The following NFASC variants were observed in gnomAD, a reference collection of about 807,000 sequenced individuals.
The protein encoded by NFASC is neurofascin homolog.
In NFASC, 43 loss-of-function variants were observed where a neutral mutation model predicts 147.5. The ratio of observed to expected loss-of-function variants is 0.29; its 90% confidence interval spans 0.23 to 0.38. The LOEUF is 0.38. Ranked by LOEUF, NFASC falls within the 10% of genes least tolerant of loss-of-function variation. The pLI, the probability that NFASC is intolerant of heterozygous loss-of-function variation, is 1.00. For synonymous variants in NFASC, 622 were observed against 665.5 expected (o/e 0.93, Z 1.01); for missense variants, 1,320 against 1,689.0 (o/e 0.78, Z 3.83).
In NFASC at chr1:204,975,288, C is replaced by T. The variant is rs377722677; in HGVS notation, c.1576C>T (p.Arg526Trp). The change falls in exon 15 of 30, where the codon CGG becomes TGG. Residue 526 changes from arginine to tryptophan, a missense_variant. Physicochemically the swap from Arg to Trp is moderately radical, Grantham distance 101. Coordinates refer to ENST00000339876, the MANE Select transcript of NFASC (RefSeq NM_001005388.3). The surrounding 1 kb of genome is among the most constrained non-coding windows in gnomAD (Gnocchi z 4.0). ...LEVKDPTRIYRMPEDQVARRG... is the reference protein window; with the variant it reads ...LEVKDPTRIYWMPEDQVARRG... ...CTCCACAGACCCCACCAGGATCTAC[C>T]GGATGCCCGAGGACCAGGTGGCCAG... 21 of 1,612,906 alleles carry T rather than the reference C, an allele frequency of 1.3e-5. No individual in the cohort carries two copies. Among genetic ancestry groups the T allele is most frequent in the Admixed American group, 3.3e-5 (2 of 59,968 alleles).
At chr1:204,850,260 A>G (rs887663314) in intron 1 of NFASC, among the ~76,000 whole-genome samples, 1 of 152,208 alleles carries the variant, frequency 6.6e-6, no homozygotes, top group East Asian at 1.9e-4. Flanking sequence ...AATAGCTTGT[A>G]ATGGCAGCTG....
In NFASC at chr1:204,975,443, C is replaced by T. The variant is rs1182760326; in HGVS notation, c.1706+25C>T. On this transcript the variant is annotated intron_variant, in intron 15 of 29. Transcript: ENST00000339876. The surrounding 1 kb of genome is among the most constrained non-coding windows in gnomAD (Gnocchi z 4.0). ...GGTTTCTCTTCCCCCTTCCCCCTTCCTAGTGCTAGTTTGAGGCGCATTTTC... is the reference window on the plus strand; with the variant it reads ...GGTTTCTCTTCCCCCTTCCCCCTTCTTAGTGCTAGTTTGAGGCGCATTTTC... The T allele has an allele frequency of 5.6e-6, 9 of 1,598,374 alleles. No individual in the cohort carries two copies. Among genetic ancestry groups the T allele is most frequent in the Non-Finnish European group, 7.7e-6 (9 of 1,167,520 alleles).
At chr1:204,953,575 C>T (rs112645628) in intron 5 of NFASC, among the ~76,000 whole-genome samples, 2,719 of 152,300 alleles carry the variant, frequency 0.018, 77 homozygotes, top group African/African-American at 0.062. Context: ...GGATTACAGG[C>T]GTGAGCCACC....
chr1:204,954,057 G>T lies in NFASC; in HGVS notation c.216-131G>T. The T allele has an allele frequency of 2.7e-6, 2 of 741,594 alleles. No individual in the cohort carries two copies. Among genetic ancestry groups the T allele is most frequent in the Non-Finnish European group, 4.6e-6 (2 of 436,012 alleles). The allele number at this position is 741,594 out of a possible 1,614,324, so 45.9% of individuals were successfully genotyped here. ...TGCTCAGCCAGGCTGAGACCTGTTG[G>T]TATGGGGTGCCACGATGGGACTGAG... is the stretch of plus-strand genomic sequence containing the variant. On this transcript the variant is annotated intron_variant, in intron 5 of 29. Coordinates refer to ENST00000339876, the MANE Select transcript of NFASC (RefSeq NM_001005388.3). The surrounding 1 kb of genome is among the most constrained non-coding windows in gnomAD (Gnocchi z 5.7).
intron 3 of NFASC, among the ~76,000 whole-genome samples, 173 bp from the exon 4 acceptor site, chr1:204,950,384 G>A (rs190394786): frequency 6.6e-6 from 1 of 152,318 alleles, no homozygotes; most frequent in East Asian, 1.9e-4. Context: ...AACCCTGCTT[G>A]GTTCTTGCAC....
intron 8 of NFASC, among the ~76,000 whole-genome samples, chr1:204,967,007 T>G (rs1161913160): frequency 1.3e-5 from 2 of 152,056 alleles, no homozygotes; most frequent in East Asian, 3.9e-4. Context: ...CTGGATAAAG[T>G]TCCCCCGCAC....
chr1:204,914,895 G>T (rs988498819), intron 1 of NFASC, among the ~76,000 whole-genome samples: 4 of 152,192 alleles, frequency 2.6e-5, no homozygotes, highest in Non-Finnish European at 1.5e-5. Flanking sequence ...TATATGAAAT[G>T]ATTACAAGCA....
At chr1:204,835,806 C>G (rs887219301) in intron 1 of NFASC, among the ~76,000 whole-genome samples, 1 of 152,100 alleles carries the variant, frequency 6.6e-6, no homozygotes, top group Non-Finnish European at 1.5e-5. Flanking sequence ...ATGCCCAGCT[C>G]TGGGAAAGGC....
At position 204,948,010 on chromosome 1, in the gene NFASC, T is replaced by G. The variant is rs117108921; in HGVS notation, c.92-2547T>G. 3.9e-5 allele frequency among the ~76,000 whole-genome samples: 6 copies of G among 152,184 alleles called. No homozygotes were observed. In the East Asian group the frequency reaches 1.2e-3, roughly 29 times the overall value. ...CTCACATACCCATATGTGCTCACAC[T>G]TATGCACACTCACTCCCACTCACAC... On this transcript the variant is annotated intron_variant, in intron 3 of 29. Transcript: ENST00000339876.
At chr1:204,838,720 G>A (rs186073988) in intron 1 of NFASC, among the ~76,000 whole-genome samples, 5 of 152,306 alleles carry the variant, frequency 3.3e-5, no homozygotes, top group East Asian at 1.9e-4. Context: ...AAAGGTTCCC[G>A]GTCCTGATCC....
intron 1 of NFASC, among the ~76,000 whole-genome samples, chr1:204,837,435 CTG>C (rs1169851844): frequency 1.3e-5 from 2 of 152,170 alleles, no homozygotes; most frequent in Admixed American, 1.3e-4. Context: ...TGGGGCCAGA[CTG>C]TAGCAAACCT....
chr1:205,000,376 T>C (rs1287999655), intron 25 of NFASC: 1 of 152,302 alleles, frequency 6.6e-6, no homozygotes, highest in African/African-American at 2.4e-5. Flanking sequence ...AAGGGGCTCC[T>C]TAGACCAGCC....
At chr1:204,892,040 G>T (rs2082504308) in intron 1 of NFASC, among the ~76,000 whole-genome samples, 1 of 152,178 alleles carries the variant, frequency 6.6e-6, no homozygotes, top group Non-Finnish European at 1.5e-5. Context: ...TGCCTTGTAT[G>T]CTGTAGGCAT....
At chr1:204,877,508 G>A (rs1287032190) in intron 1 of NFASC, among the ~76,000 whole-genome samples, 1 of 152,092 alleles carries the variant, frequency 6.6e-6, no homozygotes, top group Non-Finnish European at 1.5e-5. Context: ...CTTTAGGAAG[G>A]AAACTCTGAT....
At chr1:204,967,351 G>T (rs980319929) in intron 8 of NFASC, among the ~76,000 whole-genome samples, 2 of 152,096 alleles carry the variant, frequency 1.3e-5, no homozygotes, top group African/African-American at 4.8e-5. Context: ...GGGAAGAGGT[G>T]AGGCTCGGGG....
intron 1 of NFASC, among the ~76,000 whole-genome samples, chr1:204,913,823 A>G (rs7520507): frequency 0.46 from 69,868 of 151,150 alleles, 16,403 homozygotes; most frequent in Admixed American, 0.56. Flanking sequence ...AGACTGGCAG[A>G]TCAAGGCTGC....
At position 204,968,152 on chromosome 1, in the gene NFASC, G is replaced by A; in HGVS notation, c.707-97G>A. The A allele has an allele frequency of 5.9e-6, 5 of 851,462 alleles. No homozygotes were observed. The highest frequency in any genetic ancestry group is 5.8e-5 in the South Asian group (4 of 68,618). The allele number at this position is 851,462 out of a possible 1,614,324, so 52.7% of individuals were successfully genotyped here. ...GTTTCAGCTGGGAGGATCCGGCAGG[G>A]GCGGTGATGCCACTTCTCTCTAGCC... On this transcript the variant is annotated intron_variant, in intron 8 of 29. Transcript: ENST00000339876. This position sits in a 1 kb window ranked among gnomAD's most constrained non-coding sequence, Gnocchi z 5.4.
At chr1:204,906,005 A>G (rs998812594) in intron 1 of NFASC, among the ~76,000 whole-genome samples, 6 of 152,160 alleles carry the variant, frequency 3.9e-5, no homozygotes, top group African/African-American at 1.2e-4. Flanking sequence ...CAGACCACCA[A>G]TGTGTTTATT....
chr1:204,892,062 A>G (rs1212744193), intron 1 of NFASC, among the ~76,000 whole-genome samples: 1 of 152,230 alleles, frequency 6.6e-6, no homozygotes, highest in Non-Finnish European at 1.5e-5. Flanking sequence ...CATTTTTTTA[A>G]GTAAATGAGT....
Sources: gnomAD v4.1 joint callset for allele counts (sites outside exome capture counted in the v4.1 genomes callset) on GRCh38, gnomAD v4.1.1 for gene constraint, Gnocchi (gnomAD v3.1) non-coding constraint, MANE v1.5 for transcripts, NCBI Gene and HGNC (gene_info 2026-07-23, HGNC 2026-07-21) for gene names.